The following COL21A1 variants were observed in gnomAD, a reference collection of about 807,000 sequenced individuals.
The protein encoded by COL21A1 is collagen alpha-1(XXI) chain.
In COL21A1, 149 loss-of-function variants were observed where a neutral mutation model predicts 137.9. That is an observed-to-expected ratio of 1.08 (90% CI 0.95 to 1.24). The LOEUF is 1.24. Among genes scored for constraint, COL21A1 ranks in the 50% most tolerant of loss-of-function variants. COL21A1 has a pLI of 0.00. For missense variants in COL21A1, 1,167 were observed against 1,158.4 expected (o/e 1.01, Z -0.11); for synonymous variants, 456 against 391.5 (o/e 1.16, Z -1.95).
At position 56,390,504 on chromosome 6, in the gene COL21A1, A is replaced by ACACACG. The variant is rs1187155667; in HGVS notation, c.-39+3466_-39+3467insCGTGTG. On this transcript the variant is annotated intron_variant, in intron 1 of 28. Transcript: ENST00000370819. ...ATAGAGTGGCTGAATGGACACACAC[A>ACACACG]CACACACACACACACACACACACAC... Among the ~76,000 whole-genome samples the ACACACG allele has an allele frequency of 9.9e-4, 133 of 133,732 alleles. 1 individual carries two copies. The highest frequency in any genetic ancestry group is 3.1e-3 in the African/African-American group (123 of 39,488). 87.7% of individuals were successfully genotyped at this position (133,732 alleles called of 152,430 possible). A position where few individuals can be genotyped will look rare whatever the true frequency, so the allele number is the denominator to read the frequency against.
At chr6:56,190,343 T>A (rs1201288106) in intron 1 of COL21A1, among the ~76,000 whole-genome samples, 1 of 152,114 alleles carries the variant, frequency 6.6e-6, no homozygotes, top group African/African-American at 2.4e-5. Context: ...AAATCTAGAA[T>A]AAATGGATAA....
In COL21A1 at chr6:56,113,618, G is replaced by C. The variant is rs144189147; in HGVS notation, c.1758+10444C>G. On this transcript the variant is annotated intron_variant, in intron 16 of 29. Transcript: ENST00000244728. ...AACCTCTGAGACTTGTTGGCTTCAT[G>C]TGAGACTCAGCCTTAAGCTGTGGTG... Among the ~76,000 whole-genome samples, 215 of 152,314 alleles carry C rather than the reference G, an allele frequency of 1.4e-3. 1 individual carries two copies. Among genetic ancestry groups the C allele is most frequent in the African/African-American group, 5.1e-3 (212 of 41,560 alleles).
At chr6:56,061,499 A>G in intron 25 of COL21A1, 150 bp downstream of exon 25, 1 of 523,076 alleles carries the variant, frequency 1.9e-6, no homozygotes, top group Non-Finnish European at 3.5e-6. Context: ...CATATTCTGA[A>G]AACAATTAAT....
chr6:56,098,984 G>C (rs1205467500), intron 17 of COL21A1, among the ~76,000 whole-genome samples: 6 of 150,426 alleles, frequency 4.0e-5, no homozygotes, highest in African/African-American at 7.3e-5. Flanking sequence ...CAAAGTGCTG[G>C]GATTACAGGC....
chr6:56,377,353 C>A (rs915551099), intron 1 of COL21A1, among the ~76,000 whole-genome samples: 1 of 151,978 alleles, frequency 6.6e-6, no homozygotes, highest in Non-Finnish European at 1.5e-5. Flanking sequence ...ACTCCCCTCT[C>A]CCCCATTTTC....
At chr6:56,076,496 A>G (rs1264728707) in intron 18 of COL21A1, among the ~76,000 whole-genome samples, 1 of 151,504 alleles carries the variant, frequency 6.6e-6, no homozygotes, top group Non-Finnish European at 1.5e-5. Context: ...GAATCATGAA[A>G]GACTATTAGT....
intron 7 of COL21A1, among the ~76,000 whole-genome samples, chr6:56,165,910 A>T (rs1295631652): frequency 8.8e-5 from 7 of 79,760 alleles, no homozygotes; most frequent in African/African-American, 4.4e-4. Context: ...GATTGATTAC[A>T]CACACACACA....
At chr6:56,100,117 G>C (rs928260597) in intron 17 of COL21A1, among the ~76,000 whole-genome samples, 2 of 152,054 alleles carry the variant, frequency 1.3e-5, no homozygotes, top group African/African-American at 4.8e-5. Context: ...TTTCTAACAC[G>C]CAACAGAGAC....
At chr6:56,310,393 G>T (rs1005773227) in intron 1 of COL21A1, among the ~76,000 whole-genome samples, 1 of 152,112 alleles carries the variant, frequency 6.6e-6, no homozygotes, top group Non-Finnish European at 1.5e-5. Flanking sequence ...CAAATCAGTT[G>T]AGTTGGAATC....
chr6:56,127,753 G>GT (rs1170302036), intron 12 of COL21A1, among the ~76,000 whole-genome samples: 1 of 152,146 alleles, frequency 6.6e-6, no homozygotes, highest in Non-Finnish European at 1.5e-5. Flanking sequence ...TTTCTTGTGT[G>GT]TTTTTTGGAG....
rs1776443981 is a variant in COL21A1, at chr6:56,164,761, T to A, written c.1287+53A>T. 3 of 1,449,728 alleles carry A rather than the reference T, an allele frequency of 2.1e-6. No individual in the cohort carries two copies. The South Asian group carries it at 4.0e-5, about 19-fold the overall frequency. The allele number at this position is 1,449,728 out of a possible 1,614,324, so 89.8% of individuals were successfully genotyped here. On this transcript the variant is annotated intron_variant, in intron 8 of 29. Transcript: ENST00000244728. Reference sequence around the variant, plus strand: ...TTACAGTTGTTGGAAAAGAGCTAAGTGGTCCCACAATACAAATATTACCTT... The same window carrying A: ...TTACAGTTGTTGGAAAAGAGCTAAGAGGTCCCACAATACAAATATTACCTT...
At chr6:56,148,211 G>C (rs939527887) in intron 10 of COL21A1, among the ~76,000 whole-genome samples, 1 of 152,086 alleles carries the variant, frequency 6.6e-6, no homozygotes, top group African/African-American at 2.4e-5. Context: ...CAAGGTTAAA[G>C]CTTTCTCTAG....
intron 16 of COL21A1, among the ~76,000 whole-genome samples, chr6:56,114,150 G>A (rs1771690155): frequency 6.6e-6 from 1 of 152,194 alleles, no homozygotes; most frequent in African/African-American, 2.4e-5. Context: ...CCATCCTGAA[G>A]GGAAAGACAT....
intron 1 of COL21A1, among the ~76,000 whole-genome samples, chr6:56,347,684 C>G (rs910570167): frequency 6.6e-6 from 1 of 152,138 alleles, no homozygotes; most frequent in Non-Finnish European, 1.5e-5. Context: ...TGCAATTAAA[C>G]TCTGATTTGA....
At chr6:56,277,992 T>C (rs984889661) in intron 1 of COL21A1, among the ~76,000 whole-genome samples, 1 of 152,236 alleles carries the variant, frequency 6.6e-6, no homozygotes, top group Non-Finnish European at 1.5e-5. Context: ...ACATCTTTCA[T>C]TTGCTGAAGC....
At chr6:56,232,003 T>G (rs915053923) in intron 1 of COL21A1, among the ~76,000 whole-genome samples, 1 of 151,886 alleles carries the variant, frequency 6.6e-6, no homozygotes, top group Non-Finnish European at 1.5e-5. Context: ...GACATTGTTT[T>G]CAACACACAC....
At chr6:56,220,790 C>T (rs561148244) in intron 1 of COL21A1, among the ~76,000 whole-genome samples, 2 of 152,206 alleles carry the variant, frequency 1.3e-5, no homozygotes, top group African/African-American at 2.4e-5. Flanking sequence ...AGCAATTACA[C>T]ATATTATTTT....
At chr6:56,336,463 T>C (rs909397239) in intron 1 of COL21A1, among the ~76,000 whole-genome samples, 3 of 152,184 alleles carry the variant, frequency 2.0e-5, no homozygotes, top group African/African-American at 7.2e-5. Flanking sequence ...CAAAAACAGA[T>C]TATAAGAAAA....
intron 1 of COL21A1, among the ~76,000 whole-genome samples, chr6:56,214,904 G>A (rs1780387947): frequency 6.6e-6 from 1 of 151,762 alleles, no homozygotes; most frequent in Admixed American, 6.6e-5. Context: ...ATGCTTTTAG[G>A]CACAACAAAT....
Sources: allele counts gnomAD v4.1 joint callset (sites outside exome capture counted in the v4.1 genomes callset), GRCh38; gene constraint gnomAD v4.1.1; transcripts MANE v1.5; gene names NCBI Gene and HGNC (gene_info 2026-07-23, HGNC 2026-07-21).